Variants in SCLY observed in about 807,000 individuals in gnomAD.
The protein encoded by SCLY is putative selenocysteine lyase.
Under a neutral mutation model 50.1 loss-of-function variants are expected in SCLY, and 38 were observed. That is an observed-to-expected ratio of 0.76 (90% CI 0.59 to 0.99). The LOEUF is 0.99. SCLY is among the 50% of genes least tolerant of loss of function. The probability of loss-of-function intolerance (pLI) is 0.00; values close to 1 mark genes in which losing one functional copy is unlikely to be tolerated. For missense variants in SCLY, 600 were observed against 620.0 expected (o/e 0.97, Z 0.34); for synonymous variants, 243 against 249.4 (o/e 0.97, Z 0.24).
At chr2:238,086,326 C>T (rs2065297382) in intron 7 of SCLY, among the ~76,000 whole-genome samples, 1 of 152,040 alleles carries the variant, frequency 6.6e-6, no homozygotes, top group Non-Finnish European at 1.5e-5. Flanking sequence ...TCAAAATGTA[C>T]ATAAAGGACA....
chr2:238,072,346 C>T (rs1253025295), intron 4 of SCLY, among the ~76,000 whole-genome samples: 6 of 152,026 alleles, frequency 3.9e-5, no homozygotes, highest in Admixed American at 2.6e-4. Context: ...GACATTTGTG[C>T]GTATGTTTTA....
At chr2:238,084,590 CAAAA>C (rs539648649) in intron 7 of SCLY, among the ~76,000 whole-genome samples, 1,438 of 44,628 alleles carry the variant, frequency 0.032, 34 homozygotes, top group African/African-American at 0.13. Flanking sequence ...GACTCTGTCT[CAAAA>C]AAAAAAAAAA....
chr2:238,084,665 C>T (rs531027277), intron 7 of SCLY, among the ~76,000 whole-genome samples: 3 of 144,878 alleles, frequency 2.1e-5, no homozygotes, highest in East Asian at 4.2e-4. Flanking sequence ...GAGGCCGAGG[C>T]GGGTGGATCA....
Position 238,067,637 on chromosome 2 carries a change from G to A in SCLY, c.203-428G>A, listed in dbSNP as rs562375838. Among the ~76,000 whole-genome samples, 3 of 152,342 alleles carry A rather than the reference G, an allele frequency of 2.0e-5. No individual in the cohort carries two copies. Among genetic ancestry groups the A allele is most frequent in the African/African-American group, 4.8e-5 (2 of 41,586 alleles). ...AAAATGAGATATGGCACTGGACTTC[G>A]CGTCGAGTCATGAGTTCTGTTTTTG... On this transcript the variant is annotated intron_variant, in intron 2 of 11. Transcript: ENST00000254663. The surrounding 1 kb of genome is among the most constrained non-coding windows in gnomAD (Gnocchi z 4.3).
At chr2:238,064,247 C>A in intron 1 of SCLY, 110 bp from the exon 2 acceptor site, 2 of 583,416 alleles carry the variant, frequency 3.4e-6, no homozygotes, top group Admixed American at 3.5e-5. Context: ...AGAGGATCAC[C>A]ATGCCCTTGA....
In SCLY at chr2:238,098,230, G is replaced by A. The variant is rs1215862372; in HGVS notation, c.1213G>A (p.Val405Ile). ...GTCCCCAGTGCTGCTGAGCTACGGTGTCCCCTTCGACGTGGCCAGGAACGC... is the reference window on the plus strand; with the variant it reads ...GTCCCCAGTGCTGCTGAGCTACGGTATCCCCTTCGACGTGGCCAGGAACGC... ...QPSPVLLSYG[V>I]PFDVARNALR... is the part of the protein sequence containing the mutation. The change falls in exon 12 of 12, where the codon GTC (valine) becomes ATC (isoleucine). Residue 405 changes from valine to isoleucine, a missense_variant. Physicochemically the swap from Val to Ile is conservative, Grantham distance 29. Transcript: ENST00000254663. 6.8e-6 allele frequency: 11 copies of A among 1,611,104 alleles called. No individual in the cohort carries two copies. Among genetic ancestry groups the A allele is most frequent in the Non-Finnish European group, 3.4e-6 (4 of 1,179,670 alleles).
Position 238,082,113 on chromosome 2 carries a change from C to T in SCLY, c.681C>T (p.Pro227=), listed in dbSNP as rs2065244220. Residue 227 remains proline, a synonymous_variant, in exon 6 of 12, where the codon CCC becomes CCT. Transcript: ENST00000254663. The part of the protein sequence containing the change: ...NQERVAAGLP[P]ILVHTDAAQA... ...AACGGGTGGCAGCTGGGCTACCTCC[C>T]ATCCTCGTGCACACGGATGCTGCAC... 1.9e-6 allele frequency: 3 copies of T among 1,613,386 alleles called. No individual in the cohort carries two copies. Among genetic ancestry groups the T allele is most frequent in the Middle Eastern group, 1.8e-4 (1 of 5,524 alleles).
At chr2:238,085,038 C>A (rs1196532552) in intron 7 of SCLY, among the ~76,000 whole-genome samples, 1 of 151,944 alleles carries the variant, frequency 6.6e-6, no homozygotes, top group Non-Finnish European at 1.5e-5. Flanking sequence ...TAAAGTAAGG[C>A]AAAAATGTCC....
At position 238,098,267 on chromosome 2, in the gene SCLY, G is replaced by C. The variant is rs548020087; in HGVS notation, c.1250G>C (p.Ser417Thr). ...GTGGCCAGGAACGCGCTCCGGCTCA[G>C]CGTGGGCCGCAGCACCACCAGGGCC... ...FDVARNALRLSVGRSTTRAEV... is the reference protein window; with the variant it reads ...FDVARNALRLTVGRSTTRAEV... The change falls in exon 12 of 12, where the codon AGC (serine) becomes ACC (threonine). Residue 417 changes from serine (S) to threonine (T), a missense_variant. Physicochemically the swap from Ser to Thr is moderately conservative, Grantham distance 58. Transcript: ENST00000254663. 62 of 1,610,452 alleles carry C rather than the reference G, an allele frequency of 3.8e-5. No individual in the cohort carries two copies. In the Admixed American group the frequency reaches 4.8e-4, roughly 13 times the overall value.
intron 11 of SCLY, among the ~76,000 whole-genome samples, 184 bp from the exon 12 acceptor site, chr2:238,098,018 C>T (rs1485747231): frequency 1.3e-5 from 2 of 152,148 alleles, no homozygotes; most frequent in Non-Finnish European, 2.9e-5. Context: ...TTGAGCCACA[C>T]CTTGATGTGG....
Position 238,083,105 on chromosome 2 carries a change from G to A in SCLY, c.778-143G>A, listed in dbSNP as rs754624394. ...TTTGTGACTCTGCGTGTCAAAAGGG[G>A]TGGCACTCAGAGGCGCCACAAGGAA... On this transcript the variant is annotated intron_variant, in intron 6 of 11. Coordinates refer to ENST00000254663, the MANE Select transcript of SCLY (RefSeq NM_016510.7). The surrounding 1 kb of genome is among the most constrained non-coding windows in gnomAD (Gnocchi z 4.3). The A allele has an allele frequency of 4.1e-6, 3 of 730,086 alleles. No homozygotes were observed. The highest frequency in any genetic ancestry group is 2.3e-4 in the Middle Eastern group (1 of 4,280). The allele number at this position is 730,086 out of a possible 1,614,324, so 45.2% of individuals were successfully genotyped here. A position where few individuals can be genotyped will look rare whatever the true frequency, so the allele number is the denominator to read the frequency against.
At position 238,091,210 on chromosome 2, in the gene SCLY, T is replaced by C; in HGVS notation, c.885-8T>C. On this transcript the variant is annotated splice_polypyrimidine_tract_variant and splice_region_variant and intron_variant, in intron 7 of 11. Coordinates refer to ENST00000254663, the MANE Select transcript of SCLY (RefSeq NM_016510.7). Reference sequence around the variant, plus strand: ...GTTTATTCTTGCTTAATCCCTTGTTTCTTACAGGACAGAGAACACCCCAAT... The same window carrying C: ...GTTTATTCTTGCTTAATCCCTTGTTCCTTACAGGACAGAGAACACCCCAAT... 1 of 1,612,312 alleles carries C rather than the reference T, an allele frequency of 6.2e-7. No individual in the cohort carries two copies. The highest frequency in any genetic ancestry group is 1.1e-5 in the South Asian group (1 of 91,020).
At chr2:238,091,523 AGGTGAAGTG>A in intron 8 of SCLY, 6 of 430,014 alleles carry the variant, frequency 1.4e-5, no homozygotes, top group East Asian at 4.2e-5. Flanking sequence ...GTTACAGCAG[AGGTGAAGTG>A]TCAAGCTGCA....
Position 238,083,031 on chromosome 2 carries a change from A to G in SCLY, c.778-217A>G, listed in dbSNP as rs1226137342. On this transcript the variant is annotated intron_variant, in intron 6 of 11. Coordinates refer to ENST00000254663, the MANE Select transcript of SCLY (RefSeq NM_016510.7). The surrounding 1 kb of genome is among the most constrained non-coding windows in gnomAD (Gnocchi z 4.3). ...GCCACAGAGCTGAGCACGAGAGTCT[A>G]GCACCTGCGCTGCCTCCTAGGTTGG... The G allele has an allele frequency of 1.6e-6, 1 of 642,246 alleles. No homozygotes were observed. The highest frequency in any genetic ancestry group is 3.1e-5 in the East Asian group (1 of 31,746). The allele number at this position is 642,246 out of a possible 1,614,324, so 39.8% of individuals were successfully genotyped here.
At chr2:238,091,538 CTGCAGGTT>C in intron 8 of SCLY, 11 of 453,102 alleles carry the variant, frequency 2.4e-5, no homozygotes, top group South Asian at 7.1e-5. Flanking sequence ...AAGTGTCAAG[CTGCAGGTT>C]CACCATTCCC....
In SCLY at chr2:238,098,593, G is replaced by GACCGCCCACATGGGAACGCCCACATAGA. The variant is rs1559254475; in HGVS notation, c.*249_*250insGGGAACGCCCACATAGAACCGCCCACAT. On this transcript the variant is annotated 3_prime_UTR_variant, in exon 12 of 12. Coordinates refer to ENST00000254663, the MANE Select transcript of SCLY (RefSeq NM_016510.7). ...TGCCCACATGGGACCGCCCACATAG[G>GACCGCCCACATGGGAACGCCCACATAGA]ACCGCCCACATAGGACCGCCCACAT... 7,401 of 319,476 alleles carry GACCGCCCACATGGGAACGCCCACATAGA rather than the reference G, an allele frequency of 0.023. 498 individuals carry two copies. The highest frequency in any genetic ancestry group is 0.042 in the African/African-American group (1,055 of 24,830). The allele number at this position is 319,476 out of a possible 1,614,324, so 19.8% of individuals were successfully genotyped here.
Position 238,083,399 on chromosome 2 carries a change from AT to A in SCLY, c.884+48del. 7.4e-7 allele frequency: 1 copy of A among 1,344,334 alleles called. No homozygotes were observed. Among genetic ancestry groups the A allele is most frequent in the Non-Finnish European group, 1.1e-6 (1 of 934,740 alleles). The allele number at this position is 1,344,334 out of a possible 1,614,324, so 83.3% of individuals were successfully genotyped here. Reference sequence around the variant, plus strand: ...AAGTCTCTGACCTACTGACCGTGTCATTTGTAGAGCAGTGACATTGTAAAGA... The same window carrying A: ...AAGTCTCTGACCTACTGACCGTGTCATTGTAGAGCAGTGACATTGTAAAGA... On this transcript the variant is annotated intron_variant, in intron 7 of 11. Transcript: ENST00000254663. This position sits in a 1 kb window ranked among gnomAD's most constrained non-coding sequence, Gnocchi z 4.3.
chr2:238,064,049 C>T (rs2065045512), intron 1 of SCLY, among the ~76,000 whole-genome samples: 1 of 152,186 alleles, frequency 6.6e-6, no homozygotes, highest in Non-Finnish European at 1.5e-5. Flanking sequence ...CATGGCTGGA[C>T]TACAGGCACA....
chr2:238,061,650 G>A (rs2065019713), intron 1 of SCLY, among the ~76,000 whole-genome samples: 1 of 152,174 alleles, frequency 6.6e-6, no homozygotes, highest in Non-Finnish European at 1.5e-5. Flanking sequence ...AGCCAGTTGG[G>A]GATCTTGTAA....
Sources: allele counts gnomAD v4.1 joint callset (sites outside exome capture counted in the v4.1 genomes callset), GRCh38; gene constraint gnomAD v4.1.1; non-coding constraint Gnocchi (gnomAD v3.1); transcripts MANE v1.5; gene names NCBI Gene and HGNC (gene_info 2026-07-23, HGNC 2026-07-21).